RHOBTB3: variants seen among roughly 807,000 people sequenced by gnomAD.
RHOBTB3 encodes Rho related BTB domain containing 3.
A neutral mutation model predicts 67.2 loss-of-function variants in RHOBTB3; 47 were observed. The ratio of observed to expected loss-of-function variants is 0.70; its 90% CI spans 0.55 to 0.89. The LOEUF (loss-of-function observed/expected upper bound fraction) is 0.89. RHOBTB3 is among the 40% of genes least tolerant of loss of function. The pLI is 0.00. For missense variants in RHOBTB3, 631 were observed against 750.0 expected (o/e 0.84, Z 1.85); for synonymous variants, 273 against 274.2 (o/e 1.00, Z 0.04).
At chr5:95,762,467 T>A (rs1745421238) in intron 6 of RHOBTB3, among the ~76,000 whole-genome samples, 1 of 152,092 alleles carries the variant, frequency 6.6e-6, no homozygotes, top group South Asian at 2.1e-4. Context: ...AATGAAAACA[T>A]CAGAAGAAAT....
At chr5:95,754,567 A>T (rs1745188899) in intron 5 of RHOBTB3, among the ~76,000 whole-genome samples, 1 of 152,294 alleles carries the variant, frequency 6.6e-6, no homozygotes, top group Middle Eastern at 3.4e-3. Flanking sequence ...CCCTTCACAA[A>T]TGTCACTTTC....
chr5:95,754,747 T>G (rs1272413675), intron 5 of RHOBTB3, among the ~76,000 whole-genome samples: 1 of 152,246 alleles, frequency 6.6e-6, no homozygotes, highest in African/African-American at 2.4e-5. Context: ...GGAGCTGAGT[T>G]AGCACTTTTG....
upstream of RHOBTB3, chr5:95,730,754 A>G (rs1025394223): frequency 2.7e-5 from 10 of 368,098 alleles, no homozygotes; most frequent in Non-Finnish European, 5.5e-5. Context: ...TAATCCCCCC[A>G]AGGCGACATT....
intron 3 of RHOBTB3, among the ~76,000 whole-genome samples, chr5:95,737,681 A>G (rs145870321): frequency 2.0e-5 from 3 of 152,336 alleles, no homozygotes; most frequent in Non-Finnish European, 4.4e-5. Context: ...TAGTAAAGCT[A>G]TTTTTAAAAT....
intron 3 of RHOBTB3, among the ~76,000 whole-genome samples, chr5:95,743,416 C>T (rs1433978621): frequency 2.0e-5 from 3 of 151,954 alleles, no homozygotes; most frequent in Non-Finnish European, 2.9e-5. Context: ...GCCTTTGGGC[C>T]GCCTCCTCCT....
chr5:95,753,273 GTCTC>G (rs200475199), intron 5 of RHOBTB3, among the ~76,000 whole-genome samples: 1,786 of 151,004 alleles, frequency 0.012, 30 homozygotes, highest in African/African-American at 0.041. Flanking sequence ...GTGTCTTTCT[GTCTC>G]TCTAGAGATA....
chr5:95,722,902 G>C (rs947238285), intron 1 of RHOBTB3, among the ~76,000 whole-genome samples: 1 of 152,210 alleles, frequency 6.6e-6, no homozygotes, highest in South Asian at 2.1e-4. Context: ...AGGGAGTTCT[G>C]ATTCAAAGAA....
intron 4 of RHOBTB3, among the ~76,000 whole-genome samples, chr5:95,751,055 G>A (rs889537383): frequency 2.6e-5 from 4 of 152,196 alleles, no homozygotes; most frequent in African/African-American, 7.2e-5. Context: ...GGTGTGTGGT[G>A]GGTGGGCCTC....
chr5:95,733,401 G>C (rs201678030), intron 2 of RHOBTB3, among the ~76,000 whole-genome samples: 1 of 152,190 alleles, frequency 6.6e-6, no homozygotes, highest in African/African-American at 2.4e-5. Context: ...AATGTTTAGC[G>C]AATCGAGTAA....
At chr5:95,734,907 C>A (rs1384358437) in intron 2 of RHOBTB3, among the ~76,000 whole-genome samples, 3 of 152,224 alleles carry the variant, frequency 2.0e-5, no homozygotes, top group Non-Finnish European at 2.9e-5. Context: ...GATACCTCTC[C>A]AGTAACTCTG....
At position 95,731,944 on chromosome 5, in the gene RHOBTB3, G is replaced by A. The variant is rs1755281272; in HGVS notation, c.88G>A (p.Gly30Arg). 14 of 1,613,990 alleles carry A rather than the reference G, an allele frequency of 8.7e-6. No individual in the cohort carries two copies. The highest frequency in any genetic ancestry group is 1.2e-5 in the Non-Finnish European group (14 of 1,180,026). The change falls in exon 2 of 12, where the codon GGG becomes AGG. Residue 30 changes from glycine to arginine, a missense_variant. Gly to Arg is a moderately radical substitution (Grantham distance 125). Coordinates refer to ENST00000379982, the MANE Select transcript of RHOBTB3 (RefSeq NM_014899.4). ...RPSGLIRTYL[G>R]RSPLVSGDES... ...GTCGGGGCTTATCCGCACTTACCTG[G>A]GGAGAAGCCCTCTGGTCTCCGGGGA...
intron 7 of RHOBTB3, among the ~76,000 whole-genome samples, chr5:95,763,955 A>G (rs1248431103): frequency 6.6e-6 from 1 of 151,860 alleles, no homozygotes; most frequent in Non-Finnish European, 1.5e-5. Context: ...GACTATAGAT[A>G]TGCATCACCA....
At chr5:95,744,806 C>T (rs1755705688) in intron 3 of RHOBTB3, among the ~76,000 whole-genome samples, 1 of 152,138 alleles carries the variant, frequency 6.6e-6, no homozygotes, top group Non-Finnish European at 1.5e-5. Context: ...CACGGTGACT[C>T]ACGCCTGTAA....
upstream of RHOBTB3, among the ~76,000 whole-genome samples, chr5:95,728,352 C>T (rs1561434957): frequency 6.6e-6 from 1 of 152,190 alleles, no homozygotes; most frequent in Non-Finnish European, 1.5e-5. Flanking sequence ...TTTCTTTATA[C>T]CTTTGCATGT....
chr5:95,793,825 G>C lies in RHOBTB3; in HGVS notation c.*651G>C, dbSNP rs887238144. The C allele has an allele frequency of 1.2e-4, 40 of 340,392 alleles. No individual in the cohort carries two copies. The highest frequency in any genetic ancestry group is 2.1e-4 in the Non-Finnish European group (36 of 173,316). The allele number at this position is 340,392 out of a possible 1,614,324, so 21.1% of individuals were successfully genotyped here. A position where few individuals can be genotyped will look rare whatever the true frequency, so the allele number is the denominator to read the frequency against. ...GGCTGGCTTTCTTAGCGTGTAACTT[G>C]TGTAGCAGCACAGGGCCCACACTTA... On this transcript the variant is annotated 3_prime_UTR_variant, in exon 12 of 12. Transcript: ENST00000379982.
chr5:95,768,772 A>T (rs1393266451), intron 8 of RHOBTB3, among the ~76,000 whole-genome samples: 1 of 152,212 alleles, frequency 6.6e-6, no homozygotes, highest in East Asian at 1.9e-4. Flanking sequence ...TTTAATGAAG[A>T]TGAGCTGTTT....
chr5:95,761,022 T>C (rs1364399711), intron 6 of RHOBTB3, among the ~76,000 whole-genome samples: 1 of 152,218 alleles, frequency 6.6e-6, no homozygotes, highest in Non-Finnish European at 1.5e-5. Context: ...TCTTCCTGTG[T>C]GTGTTCTCAG....
chr5:95,756,642 A>G (rs865880675), intron 6 of RHOBTB3, among the ~76,000 whole-genome samples: 1 of 152,094 alleles, frequency 6.6e-6, no homozygotes, highest in Non-Finnish European at 1.5e-5. Flanking sequence ...AAGGGTTCCA[A>G]TTTCTCCACA....
intron 3 of RHOBTB3, among the ~76,000 whole-genome samples, chr5:95,741,247 G>A (rs1433376259): frequency 1.3e-5 from 2 of 150,204 alleles, no homozygotes; most frequent in African/African-American, 4.9e-5. Context: ...AGAATGGCAC[G>A]AACCCAGGAG....
Sources: allele counts gnomAD v4.1 joint callset (sites outside exome capture counted in the v4.1 genomes callset), GRCh38; gene constraint gnomAD v4.1.1; transcripts MANE v1.5; gene names NCBI Gene and HGNC (gene_info 2026-07-23, HGNC 2026-07-21).